Variants in PFKP observed in about 807,000 individuals in gnomAD.
PFKP encodes the protein ATP-dependent 6-phosphofructokinase, platelet type.
In PFKP, 101 loss-of-function variants were observed where a neutral mutation model predicts 94.3. The ratio of observed to expected loss-of-function variants is 1.07; its 90% CI spans 0.91 to 1.26. The LOEUF is 1.26. Among genes scored for constraint, PFKP ranks in the 50% most tolerant of loss-of-function variants. The pLI is 0.00. For missense variants in PFKP, 1,145 were observed against 1,103.3 expected (o/e 1.04, Z -0.53); for synonymous variants, 573 against 432.6 (o/e 1.32, Z -4.03).
chr10:3,099,408 A>G (rs1364723199), intron 3 of PFKP, 56 bp downstream of exon 3: 3 of 1,356,412 alleles, frequency 2.2e-6, no homozygotes, highest in Admixed American at 1.7e-5. Context: ...TTTTATGTCT[A>G]GTAAATTCCC....
Position 3,067,664 on chromosome 10 carries a change from C to A in PFKP, c.69C>A (p.Ala23=). ...AGTTCCTGGAGCACCTCTCCGGGGC[C>A]GGCAAGGCCATCGGCGTGCTGACCA... ...LRKFLEHLSG[A]GKAIGVLTSG... The change falls in exon 1 of 22, where the codon GCC becomes GCA. Residue 23 remains alanine, a synonymous_variant. Transcript: ENST00000381125. 1 of 1,533,382 alleles carries A rather than the reference C, an allele frequency of 6.5e-7. No homozygotes were observed. Among genetic ancestry groups the A allele is most frequent in the Non-Finnish European group, 8.8e-7 (1 of 1,139,724 alleles). The allele number at this position is 1,533,382 out of a possible 1,614,324, so 95.0% of individuals were successfully genotyped here. A position where few individuals can be genotyped will look rare whatever the true frequency, so the allele number is the denominator to read the frequency against.
At chr10:3,112,342 A>C in intron 11 of PFKP, 56 bp downstream of exon 11, 1 of 1,329,426 alleles carries the variant, frequency 7.5e-7, no homozygotes, top group South Asian at 1.2e-5. Context: ...CCTCAGGCCC[A>C]GCCACTGCAA....
At chr10:3,125,043 GCTGGCAGGTGAGCACCCGGCACCC>G in intron 16 of PFKP, 1 of 1,157,530 alleles carries the variant, frequency 8.6e-7, no homozygotes. Flanking sequence ...AGGCCCTGGG[GCTGGCAGGTGAGCACCCGGCACCC>G]CCGCTAACCG....
chr10:3,102,801 C>G (rs1242958200), intron 4 of PFKP, among the ~76,000 whole-genome samples: 2 of 152,206 alleles, frequency 1.3e-5, no homozygotes, highest in Non-Finnish European at 2.9e-5. Context: ...GGCATTGAGG[C>G]AAAGCAGCTG....
intron 14 of PFKP, 50 bp downstream of exon 14, chr10:3,116,896 A>AGCC: frequency 1.4e-6 from 2 of 1,388,708 alleles, no homozygotes; most frequent in Non-Finnish European, 2.1e-6. Flanking sequence ...AAGAAGGAAG[A>AGCC]GCCGTGTTCT....
At chr10:3,087,376 G>A (rs975840690) in intron 2 of PFKP, among the ~76,000 whole-genome samples, 1 of 152,128 alleles carries the variant, frequency 6.6e-6, no homozygotes, top group Non-Finnish European at 1.5e-5. Flanking sequence ...CTGTCTGGAC[G>A]AGGTCTGGAC....
intron 18 of PFKP, among the ~76,000 whole-genome samples, chr10:3,132,649 C>CT (rs1838726234): frequency 6.6e-6 from 1 of 152,182 alleles, no homozygotes. Flanking sequence ...TTTATAGTCT[C>CT]TTATTCTTTG....
At chr10:3,105,945 C>T (rs923419741) in intron 7 of PFKP, among the ~76,000 whole-genome samples, 8 of 152,222 alleles carry the variant, frequency 5.3e-5, no homozygotes, top group Non-Finnish European at 8.8e-5. Context: ...CACGTGACTG[C>T]CGTGAGCATA....
intron 16 of PFKP, chr10:3,125,086 TG>T: frequency 8.0e-7 from 1 of 1,257,340 alleles, no homozygotes; most frequent in South Asian, 1.4e-5. Flanking sequence ...CGCTTGGCCC[TG>T]CTGCTTCAGG....
chr10:3,075,442 T>G (rs1832506064), intron 1 of PFKP, among the ~76,000 whole-genome samples: 1 of 151,574 alleles, frequency 6.6e-6, no homozygotes, highest in African/African-American at 2.4e-5. Flanking sequence ...GCGGCTTCCC[T>G]CTGGAGCCAG....
chr10:3,108,547 C>T (rs998193978), intron 8 of PFKP, among the ~76,000 whole-genome samples, 154 bp from the exon 9 acceptor site: 1 of 152,134 alleles, frequency 6.6e-6, no homozygotes, highest in Non-Finnish European at 1.5e-5. Flanking sequence ...ATACACTAAA[C>T]GTTCTGCTAG....
At chr10:3,103,685 T>C in intron 4 of PFKP, 94 bp from the exon 5 acceptor site, 1 of 1,217,254 alleles carries the variant, frequency 8.2e-7, no homozygotes, top group Non-Finnish European at 1.2e-6. Flanking sequence ...GGTTGATTTC[T>C]CTACCCATGG....
At chr10:3,071,813 C>G (rs912520122) in intron 1 of PFKP, among the ~76,000 whole-genome samples, 5 of 152,246 alleles carry the variant, frequency 3.3e-5, no homozygotes, top group Non-Finnish European at 2.9e-5. Context: ...CCTTTCCAAT[C>G]CTAGTGAGAA....
Position 3,113,375 on chromosome 10 carries a change from A to G in PFKP, c.1228A>G (p.Asn410Asp). ...TCACCTGCCTTCTGTTTTGCAGACCAATTGCAACGTAGCTGTCATCAACGT... is the reference window on the plus strand; with the variant it reads ...TCACCTGCCTTCTGTTTTGCAGACCGATTGCAACGTAGCTGTCATCAACGT... ...KLPDDQIPKT[N>D]CNVAVINVGA... Residue 410 changes from asparagine to aspartate, a missense_variant, in exon 13 of 22, where the codon AAT becomes GAT. This residue lies in a region of PFKP where 1,119 missense variants were observed against 1,062.8 expected (regional missense o/e 1.05). Transcript: ENST00000381125. 4 of 1,583,716 alleles carry G rather than the reference A, an allele frequency of 2.5e-6. No homozygotes were observed. The highest frequency in any genetic ancestry group is 3.4e-6 in the Non-Finnish European group (4 of 1,161,330).
intron 10 of PFKP, among the ~76,000 whole-genome samples, chr10:3,111,772 C>A (rs1211086292): frequency 1.3e-5 from 2 of 152,102 alleles, no homozygotes; most frequent in African/African-American, 4.8e-5. Context: ...CCCTCTGCTC[C>A]CCCGCCCGCT....
Position 3,105,177 on chromosome 10 carries a change from G to A in PFKP, c.665+18G>A, listed in dbSNP as rs1835411691. 1 of 1,612,070 alleles carries A rather than the reference G, an allele frequency of 6.2e-7. No homozygotes were observed. Among genetic ancestry groups the A allele is most frequent in the African/African-American group, 1.3e-5 (1 of 74,958 alleles). ...CACTGTGGGTACGTACCTGCGGTGGGTCCGGTGGACGCGGTTCAGGTGGGG... is the reference window on the plus strand; with the variant it reads ...CACTGTGGGTACGTACCTGCGGTGGATCCGGTGGACGCGGTTCAGGTGGGG... On this transcript the variant is annotated intron_variant, in intron 6 of 21. Transcript: ENST00000381125.
At chr10:3,081,270 T>C (rs1291119976) in intron 1 of PFKP, among the ~76,000 whole-genome samples, 1 of 152,212 alleles carries the variant, frequency 6.6e-6, no homozygotes, top group Non-Finnish European at 1.5e-5. Flanking sequence ...TGAAGATTTT[T>C]CTAAGCATCT....
Position 3,136,619 on chromosome 10 carries a change from GTC to G in PFKP, c.*42_*43del, listed in dbSNP as rs1564367712. The G allele has an allele frequency of 1.9e-6, 3 of 1,600,878 alleles. No homozygotes were observed. The highest frequency in any genetic ancestry group is 2.6e-6 in the Non-Finnish European group (3 of 1,170,828). ...CATGTGCCTGCAGCCACCGTGGACTGTCTGTTTTTGTAACACTTAAGTTATTT... is the reference window on the plus strand; with the variant it reads ...CATGTGCCTGCAGCCACCGTGGACTGTGTTTTTGTAACACTTAAGTTATTT... On this transcript the variant is annotated 3_prime_UTR_variant, in exon 22 of 22. Coordinates refer to ENST00000381125, the MANE Select transcript of PFKP (RefSeq NM_002627.5).
At position 3,096,720 on chromosome 10, in the gene PFKP, G is replaced by A. The variant is rs77111410; in HGVS notation, c.187-2555G>A. Among the ~76,000 whole-genome samples, 1,119 of 151,938 alleles carry A rather than the reference G, an allele frequency of 7.4e-3. 34 individuals are homozygous for A. Among genetic ancestry groups the A allele is most frequent in the East Asian group, 0.053 (275 of 5,174 alleles). On this transcript the variant is annotated intron_variant, in intron 2 of 21. Transcript: ENST00000381125. ...CACTGCAGATGGCAGTTTGTTCAGT[G>A]TTGCTCCCAGACCTGAAGAATGGAG...
Sources: allele counts gnomAD v4.1 joint callset (sites outside exome capture counted in the v4.1 genomes callset), GRCh38; gene constraint gnomAD v4.1.1; regional missense constraint gnomAD v4.1.1; transcripts MANE v1.5; gene names NCBI Gene and HGNC (gene_info 2026-07-23, HGNC 2026-07-21).